The following FAM81A variants were observed in gnomAD, a reference collection of about 807,000 sequenced individuals.
FAM81A encodes family with sequence similarity 81 member A.
Under a neutral mutation model 46.7 loss-of-function variants are expected in FAM81A, and 19 were observed. The observed-to-expected ratio is 0.41, with a 90% CI of 0.28 to 0.60. FAM81A has a LOEUF of 0.60. FAM81A is among the 20% of genes least tolerant of loss of function. The pLI, the probability that FAM81A is intolerant of heterozygous loss-of-function variation, is 0.34. For missense variants in FAM81A, 377 were observed against 453.5 expected (o/e 0.83, Z 1.53); for synonymous variants, 183 against 152.9 (o/e 1.20, Z -1.45).
chr15:59,484,351 C>T (rs1488922656), intron 3 of FAM81A, among the ~76,000 whole-genome samples: 4 of 152,228 alleles, frequency 2.6e-5, no homozygotes, highest in Admixed American at 6.5e-5. Context: ...ACATGAACAC[C>T]AAATTTAACA....
intron 1 of FAM81A, among the ~76,000 whole-genome samples, chr15:59,443,629 G>A (rs773903067): frequency 1.3e-5 from 2 of 152,186 alleles, no homozygotes; most frequent in Non-Finnish European, 2.9e-5. Context: ...CCTTGATGAC[G>A]TTAGTGCCAT....
chr15:59,440,436 G>C (rs1385171295), intron 1 of FAM81A, among the ~76,000 whole-genome samples: 1 of 152,028 alleles, frequency 6.6e-6, no homozygotes, highest in Non-Finnish European at 1.5e-5. Flanking sequence ...CCCCAAAAAA[G>C]GGATAAACAA....
upstream of FAM81A, among the ~76,000 whole-genome samples, chr15:59,437,729 G>A (rs2081253055): frequency 6.6e-6 from 1 of 152,106 alleles, no homozygotes; most frequent in African/African-American, 2.4e-5. Flanking sequence ...CTATTTTTGT[G>A]GGAAAGCGGT....
chr15:59,492,241 G>T (rs1314550348), intron 3 of FAM81A, 30 bp from the exon 4 acceptor site: 14 of 1,517,914 alleles, frequency 9.2e-6, no homozygotes, highest in Admixed American at 1.8e-5. Flanking sequence ...ATTCTTAGAT[G>T]ACTCCCTTAG....
At chr15:59,403,465 G>T (rs905784846) in intron 2 of FAM81A, among the ~76,000 whole-genome samples, 1 of 152,196 alleles carries the variant, frequency 6.6e-6, no homozygotes, top group African/African-American at 2.4e-5. Context: ...GGGGAGAGGG[G>T]TCTCGTCAGA....
rs3053043 is a variant in FAM81A at position 59,407,291 on chromosome 15, C to CT, written c.-78+4954dup. The CT allele has an allele frequency of 8.5e-3, 1,027 of 120,150 alleles. 37 individuals are homozygous for CT. Among genetic ancestry groups the CT allele is most frequent in the African/African-American group, 0.023 (751 of 32,472 alleles). The allele number at this position is 120,150 out of a possible 1,614,324, so 7.4% of individuals were successfully genotyped here. A position where few individuals can be genotyped will look rare whatever the true frequency, so the allele number is the denominator to read the frequency against. ...CACCCACTTTCTTTTCTTTTCTTTC[C>CT]TTTTTTTTTTTTTTTTTTTTTGAGA... On this transcript the variant is annotated intron_variant, in intron 2 of 4. Transcript: ENST00000558348.
intron 3 of FAM81A, among the ~76,000 whole-genome samples, chr15:59,486,695 A>G (rs906088303): frequency 1.3e-5 from 2 of 152,194 alleles, no homozygotes; most frequent in Admixed American, 6.5e-5. Context: ...TGGAGCTCCA[A>G]TAAGTTTGGC....
chr15:59,450,314 C>T (rs932523621), intron 1 of FAM81A, among the ~76,000 whole-genome samples: 3 of 152,040 alleles, frequency 2.0e-5, no homozygotes, highest in East Asian at 1.9e-4. Context: ...TAATGATGGG[C>T]GTTCATTCCC....
intron 2 of FAM81A, among the ~76,000 whole-genome samples, chr15:59,423,305 A>G (rs2081182577): frequency 6.6e-6 from 1 of 152,058 alleles, no homozygotes; most frequent in South Asian, 2.1e-4. Flanking sequence ...TCACCCTGTT[A>G]GCCAGGATGG....
chr15:59,475,023 CT>C (rs1189375641), intron 3 of FAM81A, among the ~76,000 whole-genome samples: 1 of 152,214 alleles, frequency 6.6e-6, no homozygotes, highest in South Asian at 2.1e-4. Context: ...GAGTTCTCCC[CT>C]GACCCATCCT....
At chr15:59,403,195 C>T (rs1193571794) in intron 2 of FAM81A, among the ~76,000 whole-genome samples, 4 of 152,104 alleles carry the variant, frequency 2.6e-5, no homozygotes, top group East Asian at 1.9e-4. Context: ...TTGAGAACTT[C>T]GGTTATGAAG....
chr15:59,422,896 T>C (rs2081180191), intron 2 of FAM81A, among the ~76,000 whole-genome samples: 1 of 152,242 alleles, frequency 6.6e-6, no homozygotes, highest in South Asian at 2.1e-4. Flanking sequence ...CACAAGTTAA[T>C]TTAAGTTTTA....
At chr15:59,477,298 T>TTTA (rs1340847385) in intron 3 of FAM81A, among the ~76,000 whole-genome samples, 3 of 152,046 alleles carry the variant, frequency 2.0e-5, no homozygotes, top group Non-Finnish European at 4.4e-5. Flanking sequence ...TGCCTGAGTT[T>TTTA]TTATTATTAT....
intron 3 of FAM81A, among the ~76,000 whole-genome samples, chr15:59,488,238 C>A (rs546272145): frequency 2.4e-4 from 36 of 152,014 alleles, no homozygotes; most frequent in Middle Eastern, 3.4e-3. Flanking sequence ...TGAGAAAAAC[C>A]CTCAAAAAAC....
intron 3 of FAM81A, among the ~76,000 whole-genome samples, chr15:59,481,757 G>A (rs2081854390): frequency 1.3e-5 from 2 of 151,748 alleles, no homozygotes; most frequent in African/African-American, 4.8e-5. Context: ...CTGGGTCAAA[G>A]GTTATGAACA....
chr15:59,410,582 G>T (rs1396121158), intron 2 of FAM81A, among the ~76,000 whole-genome samples: 2 of 152,162 alleles, frequency 1.3e-5, no homozygotes, highest in Non-Finnish European at 2.9e-5. Flanking sequence ...AGGAACTCCT[G>T]GTCCTTCCTG....
chr15:59,496,067 G>A (rs1596528816), intron 4 of FAM81A, among the ~76,000 whole-genome samples: 1 of 152,122 alleles, frequency 6.6e-6, no homozygotes, highest in Non-Finnish European at 1.5e-5. Flanking sequence ...TGTTTGGGGT[G>A]TCATATTTAA....
At chr15:59,438,731 A>G (rs543925801) in intron 1 of FAM81A, 1 of 152,292 alleles carries the variant, frequency 6.6e-6, no homozygotes, top group South Asian at 2.1e-4. Flanking sequence ...GTGCCATCCT[A>G]CTGCGAGCTG....
At chr15:59,443,472 A>T (rs1212738365) in intron 1 of FAM81A, among the ~76,000 whole-genome samples, 1 of 152,090 alleles carries the variant, frequency 6.6e-6, no homozygotes, top group South Asian at 2.1e-4. Flanking sequence ...CATTTCCTCT[A>T]ATCTGGGACC....
Sources: allele counts gnomAD v4.1 joint callset (sites outside exome capture counted in the v4.1 genomes callset), GRCh38; gene constraint gnomAD v4.1.1; transcripts MANE v1.5; gene names NCBI Gene and HGNC (gene_info 2026-07-23, HGNC 2026-07-21).